ANKRD34C: variants seen among roughly 807,000 people sequenced by gnomAD.
ANKRD34C encodes the protein ankyrin repeat domain 34C, also known as ankyrin repeat domain-containing protein 34C.
For synonymous variants in ANKRD34C, 260 were observed against 253.6 expected, an observed-to-expected ratio of 1.03 and a Z score of -0.24; for missense variants, 563 against 653.0, an observed-to-expected ratio of 0.86 and a Z score of 1.50.
chr15:79,289,686 C>T (rs2058654509), intron 1 of ANKRD34C, among the ~76,000 whole-genome samples: 1 of 152,220 alleles, frequency 6.6e-6, no homozygotes, highest in Non-Finnish European at 1.5e-5. Flanking sequence ...TCTTTTCCTT[C>T]TCCTTTTTCT....
intron 1 of ANKRD34C, among the ~76,000 whole-genome samples, chr15:79,287,192 T>C (rs2058647662): frequency 6.6e-6 from 1 of 152,226 alleles, no homozygotes; most frequent in African/African-American, 2.4e-5. Flanking sequence ...ATGTGGACTT[T>C]GGGGTCAGAC....
In ANKRD34C at chr15:79,295,140, G is replaced by A. The variant is rs2058669223; in HGVS notation, c.*248G>A. 2 of 474,532 alleles carry A rather than the reference G, an allele frequency of 4.2e-6. No individual in the cohort carries two copies. Among genetic ancestry groups the A allele is most frequent in the Admixed American group, 4.0e-5 (1 of 25,138 alleles). 29.4% of individuals were successfully genotyped at this position (474,532 alleles called of 1,614,324 possible). ...GGAAGAAAGCCTTTGGAATTTGAAG[G>A]TAACACAGCAAGTACAATGATGTAA... is the stretch of plus-strand genomic sequence containing the variant. On this transcript the variant is annotated 3_prime_UTR_variant, in exon 2 of 2. Transcript: ENST00000421388.
At chr15:79,291,998 A>G (rs145467638) in intron 1 of ANKRD34C, among the ~76,000 whole-genome samples, 1 of 152,360 alleles carries the variant, frequency 6.6e-6, no homozygotes, top group Admixed American at 6.5e-5. Flanking sequence ...GGATATATAT[A>G]GCCATTTCTC....
intron 1 of ANKRD34C, among the ~76,000 whole-genome samples, chr15:79,291,407 A>C (rs979074165): frequency 1.3e-5 from 2 of 152,190 alleles, no homozygotes; most frequent in Non-Finnish European, 2.9e-5. Context: ...CCACTCATTC[A>C]TCTAGTCTTT....
chr15:79,285,598 T>G (rs1193396443), intron 1 of ANKRD34C, among the ~76,000 whole-genome samples: 1 of 152,202 alleles, frequency 6.6e-6, no homozygotes, highest in African/African-American at 2.4e-5. Context: ...ATTTTATATA[T>G]TATGTATTTT....
At chr15:79,283,386 C>T (rs926395243) in intron 1 of ANKRD34C, among the ~76,000 whole-genome samples, 158 bp downstream of exon 1, 3 of 152,046 alleles carry the variant, frequency 2.0e-5, no homozygotes, top group Admixed American at 6.6e-5. Flanking sequence ...GAATGGAAGG[C>T]GGATTTAACA....
In ANKRD34C at chr15:79,282,862, C is replaced by CG. The variant is rs1220156901; in HGVS notation, c.-406dup. Among the ~76,000 whole-genome samples, 1 of 152,250 alleles carries CG rather than the reference C, an allele frequency of 6.6e-6. No individual in the cohort carries two copies. Among genetic ancestry groups the CG allele is most frequent in the Non-Finnish European group, 1.5e-5 (1 of 68,048 alleles). On this transcript the variant is annotated 5_prime_UTR_variant, in exon 1 of 2. Transcript: ENST00000421388. Reference sequence around the variant, plus strand: ...GACCTGCACACCCGCAGCGCGGAACCGGGGGCGATTCCTATCTTTCTTTCA... The same window carrying CG: ...GACCTGCACACCCGCAGCGCGGAACCGGGGGGCGATTCCTATCTTTCTTTCA...
chr15:79,295,504 T>G lies in ANKRD34C; in HGVS notation c.*612T>G, dbSNP rs894067512. On this transcript the variant is annotated 3_prime_UTR_variant, in exon 2 of 2. Transcript: ENST00000421388. ...TATTTTGTTCACATACTAATTTGTA[T>G]GTGCTCTGAGTACCCAAATATCCCA... 6.0e-6 allele frequency: 1 copy of G among 167,220 alleles called. No homozygotes were observed. The highest frequency in any genetic ancestry group is 1.5e-5 in the Non-Finnish European group (1 of 68,240). The allele number at this position is 167,220 out of a possible 1,614,324, so 10.4% of individuals were successfully genotyped here.
At position 79,297,924 on chromosome 15, in the gene ANKRD34C, T is replaced by A. The variant is rs1035898709; in HGVS notation, c.*3032T>A. 1 of 166,368 alleles carries A rather than the reference T, an allele frequency of 6.0e-6. No individual in the cohort carries two copies. The highest frequency in any genetic ancestry group is 1.5e-5 in the Non-Finnish European group (1 of 68,122). 10.3% of individuals were successfully genotyped at this position (166,368 alleles called of 1,614,324 possible). ...CAAAATATATTACAGAATGTGAGAC[T>A]AAAGTTTAAAGTCTGGACCTTTGGT... On this transcript the variant is annotated 3_prime_UTR_variant, in exon 2 of 2. Transcript: ENST00000421388.
At chr15:79,290,978 G>C (rs1212921028) in intron 1 of ANKRD34C, among the ~76,000 whole-genome samples, 2 of 152,180 alleles carry the variant, frequency 1.3e-5, no homozygotes, top group South Asian at 2.1e-4. Flanking sequence ...TTTTCCTTGA[G>C]TACTAATAAG....
intron 1 of ANKRD34C, chr15:79,283,862 G>A (rs968984612): frequency 2.0e-5 from 3 of 152,270 alleles, no homozygotes; most frequent in Non-Finnish European, 4.4e-5. Flanking sequence ...GTTCAGGGCA[G>A]CTACGTAACA....
In ANKRD34C at chr15:79,294,169, C is replaced by A; in HGVS notation, c.885C>A (p.Pro295=). 1 of 1,551,524 alleles carries A rather than the reference C, an allele frequency of 6.4e-7. No individual in the cohort carries two copies. Residue 295 remains proline, a synonymous_variant, in exon 2 of 2, where the codon CCC becomes CCA. Coordinates refer to ENST00000421388, the MANE Select transcript of ANKRD34C (RefSeq NM_001146341.2). Reference sequence around the variant, plus strand: ...ATATATCCTTCCCTAAAAGGGGGCCCCTCTCCAGAACCAACAGTATCGATA... The same window carrying A: ...ATATATCCTTCCCTAAAAGGGGGCCACTCTCCAGAACCAACAGTATCGATA... The part of the protein sequence containing the change: ...ISDISFPKRG[P]LSRTNSIDSK...
rs958231841 is a variant in ANKRD34C at position 79,293,999 on chromosome 15, C to T, written c.715C>T (p.Leu239Phe). 5 of 1,551,596 alleles carry T rather than the reference C, an allele frequency of 3.2e-6. No homozygotes were observed. In the African/African-American group the frequency reaches 4.1e-5, roughly 13 times the overall value. Residue 239 changes from leucine to phenylalanine, a missense_variant, in exon 2 of 2, where the codon CTC (leucine) becomes TTC (phenylalanine). Physicochemically the swap from Leu to Phe is conservative, Grantham distance 22. Transcript: ENST00000421388. ...GTCACCCACCAGGAAAGTCAGTAATCTCAAAAGGGCCCGTTTGCCTCAACT... is the reference window on the plus strand; with the variant it reads ...GTCACCCACCAGGAAAGTCAGTAATTTCAAAAGGGCCCGTTTGCCTCAACT... Reference protein sequence around the residue: ...PGSPTRKVSNLKRARLPQLKR... With the variant: ...PGSPTRKVSNFKRARLPQLKR...
intron 1 of ANKRD34C, among the ~76,000 whole-genome samples, chr15:79,292,206 C>T (rs2058661648): frequency 6.6e-6 from 1 of 152,208 alleles, no homozygotes; most frequent in African/African-American, 2.4e-5. Context: ...TGTGAAGGTG[C>T]TGTGCTGGCA....
intron 1 of ANKRD34C, among the ~76,000 whole-genome samples, chr15:79,291,599 CACAGAGAGAG>C (rs750156003): frequency 0.023 from 2,355 of 104,062 alleles, 15 homozygotes; most frequent in Non-Finnish European, 0.03. Flanking sequence ...CACACACACA[CACAGAGAGAG>C]AGAGAGAGAG....
At chr15:79,289,664 T>A (rs978058963) in intron 1 of ANKRD34C, among the ~76,000 whole-genome samples, 5 of 152,208 alleles carry the variant, frequency 3.3e-5, no homozygotes, top group African/African-American at 1.2e-4. Flanking sequence ...CCATCCACCC[T>A]CCTTCCCACC....
At chr15:79,290,675 C>T (rs941961020) in intron 1 of ANKRD34C, among the ~76,000 whole-genome samples, 18 of 152,224 alleles carry the variant, frequency 1.2e-4, no homozygotes, top group African/African-American at 4.3e-4. Flanking sequence ...ACTACTTAGG[C>T]TTTGCCTTGG....
rs2058676218 is a variant in ANKRD34C, at chr15:79,297,941, A to G, written c.*3049A>G. ...TGTGAGACTAAAGTTTAAAGTCTGGACCTTTGGTTTAATTTCTAGACTTTC... is the reference window on the plus strand; with the variant it reads ...TGTGAGACTAAAGTTTAAAGTCTGGGCCTTTGGTTTAATTTCTAGACTTTC... On this transcript the variant is annotated 3_prime_UTR_variant, in exon 2 of 2. Transcript: ENST00000421388. The G allele has an allele frequency of 6.0e-6, 1 of 166,146 alleles. No individual in the cohort carries two copies. The highest frequency in any genetic ancestry group is 1.5e-5 in the Non-Finnish European group (1 of 68,076). The allele number at this position is 166,146 out of a possible 1,614,324, so 10.3% of individuals were successfully genotyped here.
chr15:79,294,860 C>T lies in ANKRD34C; in HGVS notation c.1576C>T (p.Gln526Ter). Residue 526 changes from glutamine to a stop codon, truncating the protein, a stop_gained, in exon 2 of 2, where the codon CAG becomes TAG. Transcript: ENST00000421388. LOFTEE classifies it high-confidence loss of function. ...RHSMQIEQMK[Q>*]LSDFEEIMT is the part of the protein sequence containing the mutation. Reference sequence around the variant, plus strand: ...TTCTATGCAAATTGAACAAATGAAACAGCTGTCTGATTTTGAAGAAATCAT... The same window carrying T: ...TTCTATGCAAATTGAACAAATGAAATAGCTGTCTGATTTTGAAGAAATCAT... 1 of 1,543,696 alleles carries T rather than the reference C, an allele frequency of 6.5e-7. No homozygotes were observed.
Sources: allele counts gnomAD v4.1 joint callset (sites outside exome capture counted in the v4.1 genomes callset), GRCh38; gene constraint gnomAD v4.1.1; transcripts MANE v1.5; gene names NCBI Gene and HGNC (gene_info 2026-07-23, HGNC 2026-07-21).